Variants in GTPBP4 observed in about 807,000 individuals in gnomAD.
GTPBP4 encodes GTP-binding protein 4.
In GTPBP4, 15 loss-of-function variants were observed where a neutral mutation model predicts 81.7. That is an observed-to-expected ratio of 0.18 (90% CI 0.12 to 0.28). GTPBP4 has a LOEUF of 0.28. Among genes scored for constraint, GTPBP4 ranks in the 10% least tolerant of loss-of-function variants. The pLI, the probability that GTPBP4 is intolerant of heterozygous loss-of-function variation, is 1.00. For missense variants in GTPBP4, 847 were observed against 793.8 expected, an observed-to-expected ratio of 1.07 and a Z score of -0.81; for synonymous variants, 272 against 274.6, an observed-to-expected ratio of 0.99 and a Z score of 0.09.
chr10:1,010,455 G>A lies in GTPBP4; in HGVS notation c.1279G>A (p.Asp427Asn). Reference protein sequence around the residue: ...WDLMNLSEKHDKIPEIWEGHN... With the variant: ...WDLMNLSEKHNKIPEIWEGHN... ...TTTAATGAATTTGTCTGAAAAACAT[G>A]ATAAGATACCAGAAATCTGGGAAGG... Residue 427 changes from aspartate (D) to asparagine (N), a missense_variant, in exon 13 of 17, where the codon GAT (aspartate) becomes AAT (asparagine). By Grantham distance (23) the Asp-to-Asn change is conservative. Around this residue, in one of 3 missense-constraint regions of GTPBP4, gnomAD observed 600 missense variants for 557.1 expected, o/e 1.08. Transcript: ENST00000360803. The A allele has an allele frequency of 6.3e-7, 1 of 1,580,984 alleles. No individual in the cohort carries two copies. Among genetic ancestry groups the A allele is most frequent in the Non-Finnish European group, 8.7e-7 (1 of 1,149,978 alleles).
intron 1 of GTPBP4, among the ~76,000 whole-genome samples, chr10:990,126 G>A (rs940659864): frequency 6.6e-6 from 1 of 152,060 alleles, no homozygotes; most frequent in Non-Finnish European, 1.5e-5. Context: ...TTTGCTCTTT[G>A]GATTATATGA....
In GTPBP4 at chr10:1,007,278, G is replaced by A. The variant is rs556914783; in HGVS notation, c.1113+150G>A. On this transcript the variant is annotated intron_variant, in intron 10 of 16. Transcript: ENST00000360803. Reference sequence around the variant, plus strand: ...AGTTTCACCTTCTTGCTTACATAAAGGATCGAGAAGGTGAAGAAAGTGCAG... The same window carrying A: ...AGTTTCACCTTCTTGCTTACATAAAAGATCGAGAAGGTGAAGAAAGTGCAG... 4,790 of 588,268 alleles carry A rather than the reference G, an allele frequency of 8.1e-3. 40 individuals are homozygous for A. Among genetic ancestry groups the A allele is most frequent in the Admixed American group, 0.015 (515 of 34,912 alleles). 36.4% of individuals were successfully genotyped at this position (588,268 alleles called of 1,614,324 possible). A position where few individuals can be genotyped will look rare whatever the true frequency, so the allele number is the denominator to read the frequency against.
chr10:1,006,731 G>C (rs1439961891), intron 9 of GTPBP4, among the ~76,000 whole-genome samples: 1 of 152,190 alleles, frequency 6.6e-6, no homozygotes, highest in Non-Finnish European at 1.5e-5. Flanking sequence ...GGAATTTGTT[G>C]CTCGGTTAGA....
chr10:1,014,298 G>C lies in GTPBP4; in HGVS notation c.1594G>C (p.Asp532His). ...GATGCGTAGTCTTGGTGTTGACATG[G>C]ACGATAAAGACGATGTGAGTGTGGG... ...KEMRSLGVDMDDKDDAHYAVQ... is the reference protein window; with the variant it reads ...KEMRSLGVDMHDKDDAHYAVQ... Residue 532 changes from aspartate (D) to histidine (H), a missense_variant, in exon 15 of 17, where the codon GAC becomes CAC. This residue lies in a region of GTPBP4 where 600 missense variants were observed against 557.1 expected (regional missense o/e 1.08). Coordinates refer to ENST00000360803, the MANE Select transcript of GTPBP4 (RefSeq NM_012341.3). The C allele has an allele frequency of 6.2e-7, 1 of 1,607,150 alleles. No homozygotes were observed. Among genetic ancestry groups the C allele is most frequent in the Non-Finnish European group, 8.5e-7 (1 of 1,173,896 alleles).
At chr10:1,005,560 C>T (rs992717794) in intron 8 of GTPBP4, among the ~76,000 whole-genome samples, 4 of 152,116 alleles carry the variant, frequency 2.6e-5, no homozygotes, top group Non-Finnish European at 5.9e-5. Context: ...TGTAGTTGTT[C>T]GTTATTCTGA....
At position 1,019,665 on chromosome 10, in the gene GTPBP4, A is replaced by G; in HGVS notation, c.*2438A>G. The G allele has an allele frequency of 6.2e-7, 1 of 1,614,014 alleles. No homozygotes were observed. The highest frequency in any genetic ancestry group is 8.5e-7 in the Non-Finnish European group (1 of 1,179,998). On this transcript the variant is annotated 3_prime_UTR_variant, in exon 17 of 17. Coordinates refer to ENST00000360803, the MANE Select transcript of GTPBP4 (RefSeq NM_012341.3). ...CGCCTCCCTCTCCAGCAGCTCCCAC[A>G]GCTCCTCCTGGGACAGGTAGAGGAT...
chr10:1,001,997 C>T (rs1216070040), intron 8 of GTPBP4, among the ~76,000 whole-genome samples: 1 of 151,310 alleles, frequency 6.6e-6, no homozygotes, highest in East Asian at 1.9e-4. Flanking sequence ...GGTCTCGGCT[C>T]AGTGCAGCCT....
At chr10:1,012,780 G>A (rs1362400151) in intron 14 of GTPBP4, 118 bp downstream of exon 14, 1 of 666,892 alleles carries the variant, frequency 1.5e-6, no homozygotes, top group East Asian at 2.8e-5. Context: ...GCACATTCTT[G>A]TTTTATTGGT....
At chr10:998,747 C>T (rs1024902752) in intron 5 of GTPBP4, among the ~76,000 whole-genome samples, 5 of 152,168 alleles carry the variant, frequency 3.3e-5, no homozygotes, top group Admixed American at 6.5e-5. Context: ...GCATTGCAGG[C>T]GGTGGGGCAG....
At chr10:994,497 C>T (rs1174272483) in intron 2 of GTPBP4, among the ~76,000 whole-genome samples, 1 of 152,100 alleles carries the variant, frequency 6.6e-6, no homozygotes, top group African/African-American at 2.4e-5. Context: ...TCTCGAACTC[C>T]TGACCTCAGG....
intron 15 of GTPBP4, among the ~76,000 whole-genome samples, chr10:1,015,081 G>A (rs1475945589): frequency 6.6e-6 from 1 of 152,208 alleles, no homozygotes; most frequent in Non-Finnish European, 1.5e-5. Flanking sequence ...AATATAAATT[G>A]TGATGCTATA....
At chr10:996,540 T>C (rs947782901) in intron 4 of GTPBP4, 1 of 220,198 alleles carries the variant, frequency 4.5e-6, no homozygotes, top group Non-Finnish European at 8.8e-6. Context: ...TAGTTTATTA[T>C]TGACTTTTTT....
chr10:1,014,210 C>CT, intron 14 of GTPBP4, 37 bp from the exon 15 acceptor site: 1 of 1,323,554 alleles, frequency 7.6e-7, no homozygotes, highest in Non-Finnish European at 1.1e-6. Flanking sequence ...TTTCATCAAA[C>CT]TAATTTAAAG....
intron 2 of GTPBP4, among the ~76,000 whole-genome samples, chr10:993,734 G>A (rs1237855003): frequency 1.3e-5 from 2 of 152,176 alleles, no homozygotes; most frequent in Non-Finnish European, 2.9e-5. Context: ...GAAGGCAGGT[G>A]TAGGCAGAGA....
intron 5 of GTPBP4, among the ~76,000 whole-genome samples, chr10:998,558 C>T (rs922765097): frequency 9.2e-5 from 14 of 152,280 alleles, no homozygotes; most frequent in Admixed American, 3.3e-4. Flanking sequence ...GCTCTGTGGC[C>T]GATTTGGTGG....
chr10:1,011,231 T>G (rs1267908385), intron 13 of GTPBP4, among the ~76,000 whole-genome samples: 1 of 150,926 alleles, frequency 6.6e-6, no homozygotes, highest in Non-Finnish European at 1.5e-5. Context: ...TGGACTCTGC[T>G]GTGCTGGACC....
chr10:999,630 ACT>A (rs1831589218), intron 6 of GTPBP4, among the ~76,000 whole-genome samples: 2 of 152,294 alleles, frequency 1.3e-5, no homozygotes, highest in Non-Finnish European at 1.5e-5. Flanking sequence ...GTCATTTCTA[ACT>A]CTGTTATCAG....
intron 16 of GTPBP4, among the ~76,000 whole-genome samples, chr10:1,016,127 A>T (rs1831988402): frequency 6.6e-6 from 1 of 152,116 alleles, no homozygotes; most frequent in South Asian, 2.1e-4. Flanking sequence ...GCTTTTGCGG[A>T]GGGTGGCCAG....
At chr10:995,246 A>G (rs906556970) in intron 2 of GTPBP4, among the ~76,000 whole-genome samples, 2 of 152,198 alleles carry the variant, frequency 1.3e-5, no homozygotes, top group Non-Finnish European at 2.9e-5. Flanking sequence ...TGTTTGGGGT[A>G]GAGCTGTGAG....
Sources: gnomAD v4.1 joint callset for allele counts (sites outside exome capture counted in the v4.1 genomes callset) on GRCh38, gnomAD v4.1.1 for gene constraint, gnomAD v4.1.1 regional missense constraint, MANE v1.5 for transcripts, NCBI Gene and HGNC (gene_info 2026-07-23, HGNC 2026-07-21) for gene names.